RAPGEF5: variants seen among roughly 807,000 people sequenced by gnomAD.
The protein encoded by RAPGEF5 is M-Ras-regulated GEF.
Under a neutral mutation model 125.2 loss-of-function variants are expected in RAPGEF5, and 65 were observed. The ratio of observed to expected loss-of-function variants is 0.52; its 90% CI spans 0.43 to 0.64. The LOEUF is 0.64. RAPGEF5 is among the 30% of genes least tolerant of loss of function. RAPGEF5 has a pLI of 0.00. For synonymous variants in RAPGEF5, 391 were observed against 385.9 expected (o/e 1.01, Z -0.16); for missense variants, 958 against 1,048.1 (o/e 0.91, Z 1.19).
intron 20 of RAPGEF5, among the ~76,000 whole-genome samples, chr7:22,140,769 C>A (rs1311728825): frequency 6.6e-6 from 1 of 152,154 alleles, no homozygotes; most frequent in Non-Finnish European, 1.5e-5. Flanking sequence ...GGTCAACATT[C>A]CACTAATTTC....
chr7:22,264,605 C>G (rs1267705783), intron 7 of RAPGEF5, among the ~76,000 whole-genome samples: 1 of 152,182 alleles, frequency 6.6e-6, no homozygotes, highest in African/African-American at 2.4e-5. Context: ...CTTGCAGTCT[C>G]TCGAACCCAT....
At chr7:22,200,418 C>T (rs1235495435) in intron 9 of RAPGEF5, among the ~76,000 whole-genome samples, 1 of 152,140 alleles carries the variant, frequency 6.6e-6, no homozygotes. Flanking sequence ...TAGACTCACC[C>T]GACCACAAAG....
intron 9 of RAPGEF5, among the ~76,000 whole-genome samples, chr7:22,217,907 A>G (rs887038953): frequency 2.0e-5 from 3 of 152,338 alleles, no homozygotes; most frequent in African/African-American, 2.4e-5. Context: ...CAAATCTTCA[A>G]TCACTAAATT....
intron 13 of RAPGEF5, among the ~76,000 whole-genome samples, chr7:22,161,844 G>T (rs1345668830): frequency 6.6e-6 from 1 of 152,042 alleles, no homozygotes; most frequent in Non-Finnish European, 1.5e-5. Flanking sequence ...ATATGATTTT[G>T]GTGGCCAAAG....
intron 25 of RAPGEF5, among the ~76,000 whole-genome samples, chr7:22,123,273 G>A (rs767526962): frequency 2.6e-5 from 4 of 152,150 alleles, no homozygotes; most frequent in African/African-American, 7.2e-5. Flanking sequence ...GCTAGCGTCC[G>A]TGCTGATAAG....
intron 7 of RAPGEF5, among the ~76,000 whole-genome samples, chr7:22,254,967 G>A (rs1487500390): frequency 6.6e-6 from 1 of 152,072 alleles, no homozygotes; most frequent in African/African-American, 2.4e-5. Context: ...CCACGGACAG[G>A]CACCAAACCA....
chr7:22,256,030 T>C (rs1786750937), intron 7 of RAPGEF5, among the ~76,000 whole-genome samples: 1 of 152,158 alleles, frequency 6.6e-6, no homozygotes, highest in South Asian at 2.1e-4. Context: ...CAATTCCTTC[T>C]GGGGTGATCA....
Position 22,154,612 on chromosome 7 carries a change from A to G in RAPGEF5, c.1637-8T>C. On this transcript the variant is annotated splice_polypyrimidine_tract_variant and splice_region_variant and intron_variant, in intron 16 of 25. Transcript: ENST00000665637. ...TATACACGTGGCAGAAAACTGCACA[A>G]GTGAAAAGAATTGTTTGGAAACAGA... 1 of 1,611,338 alleles carries G rather than the reference A, an allele frequency of 6.2e-7. No homozygotes were observed. Among genetic ancestry groups the G allele is most frequent in the Non-Finnish European group, 8.5e-7 (1 of 1,178,522 alleles).
At chr7:22,141,018 T>A (rs1783242089) in intron 20 of RAPGEF5, among the ~76,000 whole-genome samples, 1 of 152,188 alleles carries the variant, frequency 6.6e-6, no homozygotes, top group African/African-American at 2.4e-5. Context: ...TTTGTTTAGC[T>A]TCCCTCAGAT....
intron 5 of RAPGEF5, among the ~76,000 whole-genome samples, chr7:22,298,187 T>G (rs1037311351): frequency 6.6e-6 from 1 of 151,450 alleles, no homozygotes; most frequent in Non-Finnish European, 1.5e-5. Flanking sequence ...TTTGTTTTTT[T>G]TTTTTTTGAG....
At chr7:22,201,846 T>C (rs1031587654) in intron 9 of RAPGEF5, among the ~76,000 whole-genome samples, 2 of 152,102 alleles carry the variant, frequency 1.3e-5, no homozygotes, top group African/African-American at 2.4e-5. Flanking sequence ...GGGAGTGGGA[T>C]GGAGGGTAGA....
chr7:22,187,713 CAG>C (rs991213224), intron 11 of RAPGEF5, among the ~76,000 whole-genome samples: 1 of 152,162 alleles, frequency 6.6e-6, no homozygotes, highest in African/African-American at 2.4e-5. Flanking sequence ...AACTCCAGGA[CAG>C]GGGCCAGCGG....
intron 12 of RAPGEF5, among the ~76,000 whole-genome samples, chr7:22,164,928 T>C (rs1233798715): frequency 6.6e-6 from 1 of 152,176 alleles, no homozygotes; most frequent in Non-Finnish European, 1.5e-5. Context: ...TTAAAACCAC[T>C]GGAAAAAACA....
chr7:22,241,452 C>T (rs1158307753), intron 7 of RAPGEF5, among the ~76,000 whole-genome samples: 1 of 152,102 alleles, frequency 6.6e-6, no homozygotes, highest in Non-Finnish European at 1.5e-5. Flanking sequence ...GGAAAATTTG[C>T]CTTAACCCCC....
intron 6 of RAPGEF5, among the ~76,000 whole-genome samples, chr7:22,275,591 C>T (rs1419774284): frequency 6.6e-6 from 1 of 152,104 alleles, no homozygotes; most frequent in Admixed American, 6.5e-5. Context: ...ATAGGAGATG[C>T]TTTACATGGG....
Position 22,136,166 on chromosome 7 carries a change from T to G in RAPGEF5, c.2329-41A>C, listed in dbSNP as rs756364906. On this transcript the variant is annotated intron_variant, in intron 22 of 25. Coordinates refer to ENST00000665637, the MANE Select transcript of RAPGEF5 (RefSeq NM_012294.5). Reference sequence around the variant, plus strand: ...GATTACAAAGAGAAAGAAAAATCAATGTGCTATAGAAACAATTCTAAATCC... The same window carrying G: ...GATTACAAAGAGAAAGAAAAATCAAGGTGCTATAGAAACAATTCTAAATCC... 1.1e-5 allele frequency: 16 copies of G among 1,435,226 alleles called. No homozygotes were observed. In the South Asian group the frequency reaches 1.2e-4, roughly 11 times the overall value. 88.9% of individuals were successfully genotyped at this position (1,435,226 alleles called of 1,614,324 possible).
At chr7:22,266,163 T>C (rs1425028241) in intron 7 of RAPGEF5, among the ~76,000 whole-genome samples, 4 of 152,238 alleles carry the variant, frequency 2.6e-5, no homozygotes, top group Non-Finnish European at 4.4e-5. Flanking sequence ...TTCCATTTTA[T>C]TTCTTCAAGT....
chr7:22,215,407 C>G (rs1018798702), intron 9 of RAPGEF5, among the ~76,000 whole-genome samples: 7 of 152,178 alleles, frequency 4.6e-5, no homozygotes, highest in Admixed American at 3.3e-4. Context: ...CCTGCTTTCT[C>G]AGGTGTAAAT....
At chr7:22,265,588 C>G (rs530232361) in intron 7 of RAPGEF5, among the ~76,000 whole-genome samples, 106 of 152,240 alleles carry the variant, frequency 7.0e-4, no homozygotes, top group Middle Eastern at 3.4e-3. Flanking sequence ...CTTTGATACA[C>G]TGATTTCCAT....
Sources: gnomAD v4.1 joint callset for allele counts (sites outside exome capture counted in the v4.1 genomes callset) on GRCh38, gnomAD v4.1.1 for gene constraint, MANE v1.5 for transcripts, NCBI Gene and HGNC (gene_info 2026-07-23, HGNC 2026-07-21) for gene names.